Variants in GLI1 observed in about 807,000 individuals in gnomAD.
GLI1 encodes transcription activator GLI1.
A neutral mutation model predicts 87.8 loss-of-function variants in GLI1; 51 were observed. The ratio of observed to expected loss-of-function variants is 0.58; its 90% CI spans 0.46 to 0.73. GLI1 has a LOEUF of 0.73. GLI1 is among the 30% of genes least tolerant of loss of function. The pLI is 0.00. For missense variants in GLI1, 1,292 were observed against 1,437.2 expected (o/e 0.90, Z 1.63); for synonymous variants, 528 against 558.2 (o/e 0.95, Z 0.76).
rs202139821 is a variant in GLI1 at position 57,471,800 on chromosome 12, A to T, written c.3060A>T (p.Gly1020=). The T allele has an allele frequency of 1.9e-6, 3 of 1,563,038 alleles. No homozygotes were observed. Among genetic ancestry groups the T allele is most frequent in the Non-Finnish European group, 2.6e-6 (3 of 1,154,090 alleles). The part of the protein sequence containing the change: ...SCGHPEVGRL[G]GGPALYPPPE... ...GTCATCCTGAGGTGGGCAGGCTAGGAGGGGGTCCTGCCTTGTACCCTCCTC... is the reference window on the plus strand; with the variant it reads ...GTCATCCTGAGGTGGGCAGGCTAGGTGGGGGTCCTGCCTTGTACCCTCCTC... The change falls in exon 12 of 12, where the codon GGA becomes GGT. Residue 1020 remains glycine, a synonymous_variant. Coordinates refer to ENST00000228682, the MANE Select transcript of GLI1 (RefSeq NM_005269.3). This position sits in a 1 kb window ranked among gnomAD's most constrained non-coding sequence, Gnocchi z 4.9.
chr12:57,464,245 G>A (rs1159264527), intron 3 of GLI1, among the ~76,000 whole-genome samples, 154 bp downstream of exon 3: 1 of 152,298 alleles, frequency 6.6e-6, no homozygotes, highest in Admixed American at 6.5e-5. Flanking sequence ...GGGGCCGGGC[G>A]CGGTGGCTCA....
At chr12:57,463,833 G>C (rs1259694782) in intron 2 of GLI1, 42 bp downstream of exon 2, 2 of 1,290,550 alleles carry the variant, frequency 1.5e-6, no homozygotes, top group South Asian at 2.4e-5. Flanking sequence ...GGATTTGGCA[G>C]ATCTCCCACT....
rs768582577 is a variant in GLI1 at position 57,468,025 on chromosome 12, C to A, written c.1109C>A (p.Thr370Asn). ...TATGTATGTAAGCTCCCTGGCTGCA[C>A]CAAACGCTATACAGATCCTAGCTCG... is the stretch of plus-strand genomic sequence containing the variant. The part of the protein sequence containing the change: ...KPYVCKLPGC[T>N]KRYTDPSSLR... The change falls in exon 10 of 12, where the codon ACC becomes AAC. Residue 370 changes from threonine to asparagine, a missense_variant. By Grantham distance (65) the Thr-to-Asn change is moderately conservative. Around this residue, in one of 3 missense-constraint regions of GLI1, gnomAD observed 897 missense variants for 1,040.7 expected, o/e 0.86. Transcript: ENST00000228682. The A allele has an allele frequency of 8.1e-6, 13 of 1,614,152 alleles. No homozygotes were observed. The East Asian group carries it at 2.7e-4, about 33-fold the overall frequency.
intron 1 of GLI1, among the ~76,000 whole-genome samples, chr12:57,461,940 C>G (rs1418339732): frequency 6.6e-6 from 1 of 152,174 alleles, no homozygotes; most frequent in Non-Finnish European, 1.5e-5. Context: ...AAAACTTTAC[C>G]GAAGCTAAAA....
In GLI1 at chr12:57,459,992, G is replaced by GA. The variant is rs1393053934; in HGVS notation, c.-228dup. 4.7e-5 allele frequency: 7 copies of GA among 147,524 alleles called. No homozygotes were observed. Among genetic ancestry groups the GA allele is most frequent in the Non-Finnish European group, 9.0e-5 (6 of 66,952 alleles). The allele number at this position is 147,524 out of a possible 1,614,324, so 9.1% of individuals were successfully genotyped here. ...AGAGAGAAAAAGTTTTTGCAAAAGG[G>GA]AAAAAAAAAGTTTGCGCTTCTCGCG... On this transcript the variant is annotated 5_prime_UTR_variant, in exon 1 of 12. Coordinates refer to ENST00000228682, the MANE Select transcript of GLI1 (RefSeq NM_005269.3).
Position 57,470,948 on chromosome 12 carries a change from A to T in GLI1, c.2208A>T (p.Glu736Asp), listed in dbSNP as rs1181484660. ...ATACTCTGGGATATGGGGGACCTGA[A>T]GGGGCAGCAGCTGAGCCTTATGGAG... ...PTDTLGYGGP[E>D]GAAAEPYGAR... is the part of the protein sequence containing the mutation. The change falls in exon 12 of 12, where the codon GAA becomes GAT. Residue 736 changes from glutamate (E) to aspartate (D), a missense_variant. Coordinates refer to ENST00000228682, the MANE Select transcript of GLI1 (RefSeq NM_005269.3). 1 of 1,613,962 alleles carries T rather than the reference A, an allele frequency of 6.2e-7. No homozygotes were observed. The highest frequency in any genetic ancestry group is 1.7e-5 in the Admixed American group (1 of 60,006).
Position 57,466,263 on chromosome 12 carries a change from C to A in GLI1, c.786C>A (p.His262Gln), listed in dbSNP as rs7973381. Residue 262 changes from histidine (H) to glutamine (Q), a missense_variant, in exon 8 of 12, where the codon CAC (histidine) becomes CAA (glutamine). Transcript: ENST00000228682. ...AGCACATCAACAGCGAGCACATCCACGGGGAGCGGAAGGAGTTCGTGTGCC... is the reference window on the plus strand; with the variant it reads ...AGCACATCAACAGCGAGCACATCCAAGGGGAGCGGAAGGAGTTCGTGTGCC... ...LVHHINSEHI[H>Q]GERKEFVCHW... is the part of the protein sequence containing the mutation. The A allele has an allele frequency of 6.2e-7, 1 of 1,613,444 alleles. No homozygotes were observed. The highest frequency in any genetic ancestry group is 1.3e-5 in the African/African-American group (1 of 74,936).
chr12:57,471,168 G>A lies in GLI1; in HGVS notation c.2428G>A (p.Gly810Arg). ...YSQCPRLEHYGQVQVKPEQGC... is the reference protein window; with the variant it reads ...YSQCPRLEHYRQVQVKPEQGC... Reference sequence around the variant, plus strand: ...CCAGTGTCCTCGACTTGAACATTATGGACAAGTGCAAGTCAAGCCAGAACA... The same window carrying A: ...CCAGTGTCCTCGACTTGAACATTATAGACAAGTGCAAGTCAAGCCAGAACA... Residue 810 changes from glycine (G) to arginine (R), a missense_variant, in exon 12 of 12, where the codon GGA becomes AGA. By Grantham distance (125) the Gly-to-Arg change is moderately radical. Around this residue, in one of 3 missense-constraint regions of GLI1, gnomAD observed 897 missense variants for 1,040.7 expected, o/e 0.86. Coordinates refer to ENST00000228682, the MANE Select transcript of GLI1 (RefSeq NM_005269.3). This position sits in a 1 kb window ranked among gnomAD's most constrained non-coding sequence, Gnocchi z 4.9. 6.2e-7 allele frequency: 1 copy of A among 1,607,116 alleles called. No individual in the cohort carries two copies.
At position 57,470,797 on chromosome 12, in the gene GLI1, C is replaced by T. The variant is rs1376612340; in HGVS notation, c.2057C>T (p.Ser686Leu). Residue 686 changes from serine (S) to leucine (L), a missense_variant, in exon 12 of 12, where the codon TCA (serine) becomes TTA (leucine). Ser to Leu is a moderately radical substitution (Grantham distance 145). Coordinates refer to ENST00000228682, the MANE Select transcript of GLI1 (RefSeq NM_005269.3). ...CCTTACCTCCCAACCTCTGTCTACTCACCACAGCCCCCCAGCATCACTGAG... is the reference window on the plus strand; with the variant it reads ...CCTTACCTCCCAACCTCTGTCTACTTACCACAGCCCCCCAGCATCACTGAG... ...FDPYLPTSVY[S>L]PQPPSITENA... The T allele has an allele frequency of 1.2e-6, 2 of 1,612,420 alleles. No individual in the cohort carries two copies. Among genetic ancestry groups the T allele is most frequent in the African/African-American group, 2.7e-5 (2 of 74,906 alleles).
At position 57,470,735 on chromosome 12, in the gene GLI1, C is replaced by G. The variant is rs749550712; in HGVS notation, c.1995C>G (p.Thr665=). The G allele has an allele frequency of 4.3e-6, 7 of 1,613,130 alleles. No individual in the cohort carries two copies. The highest frequency in any genetic ancestry group is 5.9e-6 in the Non-Finnish European group (7 of 1,179,578). Residue 665 remains threonine, a synonymous_variant, in exon 12 of 12, where the codon ACC becomes ACG. Coordinates refer to ENST00000228682, the MANE Select transcript of GLI1 (RefSeq NM_005269.3). The stretch of plus-strand genomic sequence containing the variant: ...TCAAGAGCCTGGGCTGTGTCCATAC[C>G]CCACCCACTGTGGCAGGGGGAGGAC... ...QRFKSLGCVH[T]PPTVAGGGQN...
Position 57,463,763 on chromosome 12 carries a change from T to C in GLI1, c.72T>C (p.Ser24=), listed in dbSNP as rs1371419015. 2 of 1,607,146 alleles carry C rather than the reference T, an allele frequency of 1.2e-6. No individual in the cohort carries two copies. Among genetic ancestry groups the C allele is most frequent in the South Asian group, 2.2e-5 (2 of 90,960 alleles). The change falls in exon 2 of 12, where the codon AGT becomes AGC. Residue 24 remains serine, a synonymous_variant. Transcript: ENST00000228682. The stretch of plus-strand genomic sequence containing the variant: ...CCTGCTGTCTCCGGCCCCTCCCCAG[T>C]CAGGGGGCCCCCAGTGTGGGGACAG... ...GEPCCLRPLP[S]QGAPSVGTEG...
rs1482834105 is a variant in GLI1, at chr12:57,470,945, T to C, written c.2205T>C (p.Pro735=). The change falls in exon 12 of 12, where the codon CCT becomes CCC. Residue 735 remains proline, a synonymous_variant. Coordinates refer to ENST00000228682, the MANE Select transcript of GLI1 (RefSeq NM_005269.3). ...PPTDTLGYGG[P]EGAAAEPYGA... ...CTGATACTCTGGGATATGGGGGACCTGAAGGGGCAGCAGCTGAGCCTTATG... is the reference window on the plus strand; with the variant it reads ...CTGATACTCTGGGATATGGGGGACCCGAAGGGGCAGCAGCTGAGCCTTATG... 5 of 1,613,984 alleles carry C rather than the reference T, an allele frequency of 3.1e-6. No homozygotes were observed. Among genetic ancestry groups the C allele is most frequent in the Non-Finnish European group, 4.2e-6 (5 of 1,179,940 alleles).
In GLI1 at chr12:57,465,587, C is replaced by T; in HGVS notation, c.535-20C>T. On this transcript the variant is annotated intron_variant, in intron 5 of 11. Coordinates refer to ENST00000228682, the MANE Select transcript of GLI1 (RefSeq NM_005269.3). ...TGCTTACTTCCACCCTCATCACCGT[C>T]ACCTCTTCCCCTGGGGAAGCTGAAG... The T allele has an allele frequency of 1.9e-6, 3 of 1,598,596 alleles. No individual in the cohort carries two copies. Among genetic ancestry groups the T allele is most frequent in the Non-Finnish European group, 2.6e-6 (3 of 1,166,404 alleles).
chr12:57,467,874 A>T, intron 9 of GLI1, 120 bp from the exon 10 acceptor site: 1 of 682,180 alleles, frequency 1.5e-6, no homozygotes. Context: ...CATCCTCCTT[A>T]CTTCCTTTGG....
At position 57,467,492 on chromosome 12, in the gene GLI1, A is replaced by G; in HGVS notation, c.1072A>G (p.Asn358Asp). Residue 358 changes from asparagine to aspartate, a missense_variant, in exon 9 of 12, where the codon AAT (asparagine) becomes GAT (aspartate). Asn to Asp is a conservative substitution (Grantham distance 23, BLOSUM62 1). Transcript: ENST00000228682. ...RAKHQNRTHS[N>D]EKPYVCKLPG... ...CAAGCACCAGAATCGGACCCATTCC[A>G]ATGAGGTGAATGCCCTAACTAAGCG... The G allele has an allele frequency of 6.3e-7, 1 of 1,599,162 alleles. No individual in the cohort carries two copies. Among genetic ancestry groups the G allele is most frequent in the Non-Finnish European group, 8.6e-7 (1 of 1,168,198 alleles).
Position 57,463,757 on chromosome 12 carries a change from C to A in GLI1, c.66C>A (p.Leu22=), listed in dbSNP as rs1209954594. Reference sequence around the variant, plus strand: ...GCGAGCCCTGCTGTCTCCGGCCCCTCCCCAGTCAGGGGGCCCCCAGTGTGG... The same window carrying A: ...GCGAGCCCTGCTGTCTCCGGCCCCTACCCAGTCAGGGGGCCCCCAGTGTGG... ...SYGEPCCLRP[L]PSQGAPSVGT... is the part of the protein sequence containing the mutation. Residue 22 remains leucine, a synonymous_variant, in exon 2 of 12, where the codon CTC becomes CTA. Coordinates refer to ENST00000228682, the MANE Select transcript of GLI1 (RefSeq NM_005269.3). 2 of 1,609,298 alleles carry A rather than the reference C, an allele frequency of 1.2e-6. No individual in the cohort carries two copies. The highest frequency in any genetic ancestry group is 4.5e-5 in the East Asian group (2 of 44,884).
rs74473582 is a variant in GLI1, at chr12:57,471,138, T to C, written c.2398T>C (p.Tyr800His). The change falls in exon 12 of 12, where the codon TAC becomes CAC. Residue 800 changes from tyrosine (Y) to histidine (H), a missense_variant. Coordinates refer to ENST00000228682, the MANE Select transcript of GLI1 (RefSeq NM_005269.3). This position sits in a 1 kb window ranked among gnomAD's most constrained non-coding sequence, Gnocchi z 4.9. The part of the protein sequence containing the change: ...YPGPKALGGT[Y>H]SQCPRLEHYG... ...AGGCCCCAAGGCTCTAGGTGGAACC[T>C]ACAGCCAGTGTCCTCGACTTGAACA... 20 of 1,612,832 alleles carry C rather than the reference T, an allele frequency of 1.2e-5. No homozygotes were observed. Among genetic ancestry groups the C allele is most frequent in the Non-Finnish European group, 1.6e-5 (19 of 1,179,456 alleles).
At chr12:57,463,084 C>G (rs138017170) in intron 1 of GLI1, among the ~76,000 whole-genome samples, 1 of 152,258 alleles carries the variant, frequency 6.6e-6, no homozygotes, top group Non-Finnish European at 1.5e-5. Context: ...ACACACAGAC[C>G]ACACAGGCAA....
chr12:57,466,097 T>G, intron 7 of GLI1, 143 bp from the exon 8 acceptor site: 5 of 1,052,154 alleles, frequency 4.8e-6, no homozygotes, highest in Non-Finnish European at 7.1e-6. Context: ...CTGGAAGACC[T>G]GAGATGTGAG....
Sources: allele counts gnomAD v4.1 joint callset (sites outside exome capture counted in the v4.1 genomes callset), GRCh38; gene constraint gnomAD v4.1.1; regional missense constraint gnomAD v4.1.1; non-coding constraint Gnocchi (gnomAD v3.1); transcripts MANE v1.5; gene names NCBI Gene and HGNC (gene_info 2026-07-23, HGNC 2026-07-21).